The following IGSF10 variants were observed in gnomAD, a reference collection of about 807,000 sequenced individuals.
IGSF10 encodes the protein immunoglobulin superfamily member 10.
Under a neutral mutation model 128.2 loss-of-function variants are expected in IGSF10, and 126 were observed. The ratio of observed to expected loss-of-function variants is 0.98; its 90% CI spans 0.85 to 1.14. The LOEUF (loss-of-function observed/expected upper bound fraction) is 1.14. Ranked by LOEUF, IGSF10 falls within the 50% of genes most tolerant of loss-of-function variation. The probability of loss-of-function intolerance (pLI) is 0.00; values close to 1 mark genes in which losing one functional copy is unlikely to be tolerated. For synonymous variants in IGSF10, 1,185 were observed against 1,146.2 expected (o/e 1.03, Z -0.68); for missense variants, 3,295 against 3,149.8 (o/e 1.05, Z -1.10).
chr3:151,589,387 A>C, the IGSF10 span, among the ~76,000 whole-genome samples: 1 of 152,210 alleles, frequency 6.6e-6, no homozygotes, highest in African/African-American at 2.4e-5. Flanking sequence ...CCATCTGAAG[A>C]TGTACTTGAC....
the IGSF10 span, among the ~76,000 whole-genome samples, chr3:151,542,412 G>A: frequency 6.6e-6 from 1 of 152,076 alleles, no homozygotes; most frequent in African/African-American, 2.4e-5. Context: ...GAAGTATATA[G>A]GGATAAGCAA....
At position 151,443,313 on chromosome 3, in the gene IGSF10, G is replaced by C; in HGVS notation, c.5634C>G (p.Leu1878=). 2 of 1,614,162 alleles carry C rather than the reference G, an allele frequency of 1.2e-6. No individual in the cohort carries two copies. The highest frequency in any genetic ancestry group is 1.7e-6 in the Non-Finnish European group (2 of 1,180,002). ...GTPQPSVYWV[L]SDGTEVKPLQ... ...ATGGTTTCACTTCAGTGCCATCAGA[G>C]AGGACCCAGTAAACGCTGGGCTGAG... The change falls in exon 7 of 8, where the codon CTC becomes CTG. Residue 1878 remains leucine, a synonymous_variant. Transcript: ENST00000282466.
At chr3:151,506,203 T>C in the IGSF10 span, among the ~76,000 whole-genome samples, 1 of 152,192 alleles carries the variant, frequency 6.6e-6, no homozygotes, top group Non-Finnish European at 1.5e-5. Context: ...GCCACCCACC[T>C]TGGCCTCCCA....
At chr3:151,501,588 A>G in the IGSF10 span, among the ~76,000 whole-genome samples, 1 of 152,062 alleles carries the variant, frequency 6.6e-6, no homozygotes, top group African/African-American at 2.4e-5. Context: ...TCAGGACAGG[A>G]TATCTGCAGG....
chr3:151,469,414 C>A, the IGSF10 span, among the ~76,000 whole-genome samples: 1 of 152,106 alleles, frequency 6.6e-6, no homozygotes, highest in South Asian at 2.1e-4. Context: ...AACATTGGGG[C>A]CCTTTTCAGA....
the IGSF10 span, among the ~76,000 whole-genome samples, chr3:151,584,485 C>T: frequency 6.6e-6 from 1 of 152,128 alleles, no homozygotes; most frequent in African/African-American, 2.4e-5. Flanking sequence ...TTTTATGTTG[C>T]TTTTTCTCTC....
the IGSF10 span, among the ~76,000 whole-genome samples, chr3:151,503,406 GA>G: frequency 6.6e-6 from 1 of 151,610 alleles, no homozygotes; most frequent in Non-Finnish European, 1.5e-5. Flanking sequence ...GCAGGAACAA[GA>G]AAAAATAAAA....
At chr3:151,536,619 C>A in the IGSF10 span, among the ~76,000 whole-genome samples, 2 of 152,030 alleles carry the variant, frequency 1.3e-5, no homozygotes, top group Admixed American at 1.3e-4. Flanking sequence ...TAAAGCTTAA[C>A]CTCAGTTACT....
chr3:151,574,727 G>T, the IGSF10 span, among the ~76,000 whole-genome samples: 1 of 152,152 alleles, frequency 6.6e-6, no homozygotes, highest in African/African-American at 2.4e-5. Flanking sequence ...CTGTCAGCTC[G>T]TCAAAGTCAT....
At chr3:151,570,929 A>T in the IGSF10 span, among the ~76,000 whole-genome samples, 1 of 152,144 alleles carries the variant, frequency 6.6e-6, no homozygotes, top group Non-Finnish European at 1.5e-5. Flanking sequence ...TAAGGAAGGG[A>T]TCCAGTTTCA....
the IGSF10 span, among the ~76,000 whole-genome samples, chr3:151,546,013 A>G: frequency 6.6e-6 from 1 of 151,966 alleles, no homozygotes; most frequent in Non-Finnish European, 1.5e-5. Flanking sequence ...ATCAAAACAA[A>G]ACATTAGATT....
the IGSF10 span, among the ~76,000 whole-genome samples, chr3:151,519,440 C>G: frequency 6.6e-6 from 1 of 151,752 alleles, no homozygotes; most frequent in East Asian, 1.9e-4. Context: ...AGAATAGCCA[C>G]AGTTTGGTAC....
the IGSF10 span, among the ~76,000 whole-genome samples, chr3:151,554,191 A>C: frequency 6.6e-6 from 1 of 151,930 alleles, no homozygotes; most frequent in Non-Finnish European, 1.5e-5. Context: ...ATTCTTAGAC[A>C]TGAACTTCTT....
intron 7 of IGSF10, 67 bp downstream of exon 7, chr3:151,442,917 T>C: frequency 2.1e-6 from 3 of 1,430,210 alleles, no homozygotes; most frequent in Non-Finnish European, 1.9e-6. Context: ...TGTCACTTTT[T>C]CCATTTCAGA....
chr3:151,579,635 T>G, the IGSF10 span, among the ~76,000 whole-genome samples: 1 of 149,302 alleles, frequency 6.7e-6, no homozygotes, highest in African/African-American at 2.4e-5. Flanking sequence ...TCAAAAACTG[T>G]GGGGCAATGT....
chr3:151,608,293 T>C, the IGSF10 span, among the ~76,000 whole-genome samples: 6 of 152,212 alleles, frequency 3.9e-5, no homozygotes, highest in African/African-American at 1.2e-4. Context: ...TAAAATTCAG[T>C]AATGAAATAG....
At chr3:151,478,258 A>G in the IGSF10 span, among the ~76,000 whole-genome samples, 1 of 152,246 alleles carries the variant, frequency 6.6e-6, no homozygotes, top group Non-Finnish European at 1.5e-5. Context: ...TTAGAGCTGA[A>G]CATTACCATG....
the IGSF10 span, among the ~76,000 whole-genome samples, chr3:151,613,567 A>C: frequency 1.3e-5 from 2 of 152,226 alleles, no homozygotes; most frequent in Non-Finnish European, 2.9e-5. Context: ...AAAAACAAGC[A>C]ATGGGGAAAG....
chr3:151,608,483 T>C, the IGSF10 span, among the ~76,000 whole-genome samples: 4 of 152,186 alleles, frequency 2.6e-5, no homozygotes, highest in African/African-American at 4.8e-5. Context: ...TAAGAGCAAA[T>C]GTTGTTGTCC....
Sources: allele counts gnomAD v4.1 joint callset (sites outside exome capture counted in the v4.1 genomes callset), GRCh38; gene constraint gnomAD v4.1.1; transcripts MANE v1.5; gene names NCBI Gene and HGNC (gene_info 2026-07-23, HGNC 2026-07-21).